SYT1: variants seen among roughly 807,000 people sequenced by gnomAD.
SYT1 encodes the protein synaptotagmin-1.
Under a neutral mutation model 44.8 loss-of-function variants are expected in SYT1, and 8 were observed. The ratio of observed to expected loss-of-function variants is 0.18; its 90% CI spans 0.10 to 0.32. SYT1 has a LOEUF of 0.32. Ranked by LOEUF, SYT1 falls within the 10% of genes least tolerant of loss-of-function variation. The pLI, the probability that SYT1 is intolerant of heterozygous loss-of-function variation, is 1.00. For synonymous variants in SYT1, 154 were observed against 188.8 expected (o/e 0.82, Z 1.51); for missense variants, 286 against 509.3 (o/e 0.56, Z 4.22).
chr12:79,204,683 T>G (rs892302539), intron 3 of SYT1, among the ~76,000 whole-genome samples: 1 of 152,012 alleles, frequency 6.6e-6, no homozygotes, highest in African/African-American at 2.4e-5. Context: ...AATTGATCCA[T>G]GGAAGATTTC....
chr12:78,995,594 C>T (rs1870323227), intron 2 of SYT1, among the ~76,000 whole-genome samples: 1 of 152,188 alleles, frequency 6.6e-6, no homozygotes, highest in Non-Finnish European at 1.5e-5. Flanking sequence ...ATTACAGTAG[C>T]ATTTCGCCAG....
At chr12:79,031,482 C>A (rs1463243026) in intron 2 of SYT1, among the ~76,000 whole-genome samples, 1 of 151,078 alleles carries the variant, frequency 6.6e-6, no homozygotes, top group Non-Finnish European at 1.5e-5. Flanking sequence ...TGTGGATAAT[C>A]TGTTATAGCT....
rs573369939 is a variant in SYT1, at chr12:79,125,619, AAAAAAAAAAGAAAAAAAG to A, written c.-18+78272_-18+78289del. ...TGGGCAACAGAACAAGCCCCTGTCA[AAAAAAAAAAGAAAAAAAG>A]AAAAAAAAAGAAAAGAGCTCAGAGT... On this transcript the variant is annotated intron_variant, in intron 3 of 10. Transcript: ENST00000261205. Among the ~76,000 whole-genome samples, 30 of 135,602 alleles carry A rather than the reference AAAAAAAAAAGAAAAAAAG, an allele frequency of 2.2e-4. No individual in the cohort carries two copies. The South Asian group carries it at 7.1e-3, about 32-fold the overall frequency. 89.0% of individuals were successfully genotyped at this position (135,602 alleles called of 152,430 possible).
chr12:79,245,236 C>T (rs967128646), intron 4 of SYT1, among the ~76,000 whole-genome samples: 4 of 148,142 alleles, frequency 2.7e-5, no homozygotes, highest in Admixed American at 6.9e-5. Context: ...AAGGCCGAGG[C>T]GGGCGGATCA....
At chr12:79,057,493 A>AT (rs1456176049) in intron 3 of SYT1, among the ~76,000 whole-genome samples, 1 of 151,928 alleles carries the variant, frequency 6.6e-6, no homozygotes, top group African/African-American at 2.4e-5. Flanking sequence ...GTTGCTCAGG[A>AT]TTTTTGCTTA....
chr12:78,879,343 C>A (rs866356099), intron 1 of SYT1, among the ~76,000 whole-genome samples: 5 of 151,780 alleles, frequency 3.3e-5, no homozygotes, highest in Non-Finnish European at 5.9e-5. Context: ...GTTCAGAAGG[C>A]CAGCACTCCT....
chr12:79,327,770 T>C (rs558486660), intron 8 of SYT1, among the ~76,000 whole-genome samples: 1 of 152,204 alleles, frequency 6.6e-6, no homozygotes, highest in East Asian at 1.9e-4. Context: ...GAAGAGATGG[T>C]CAGAATGTAA....
At chr12:79,409,412 G>C (rs2136130354) in intron 9 of SYT1, among the ~76,000 whole-genome samples, 1 of 152,148 alleles carries the variant, frequency 6.6e-6, no homozygotes, top group East Asian at 1.9e-4. Context: ...TTGGTATTAT[G>C]GTAGAGGATT....
chr12:79,242,141 T>A (rs1876552354), intron 4 of SYT1, among the ~76,000 whole-genome samples: 1 of 152,174 alleles, frequency 6.6e-6, no homozygotes, highest in Non-Finnish European at 1.5e-5. Context: ...TCACCCAGTT[T>A]GTGGTCATTT....
At chr12:78,988,875 G>A (rs964490981) in intron 2 of SYT1, among the ~76,000 whole-genome samples, 2 of 152,094 alleles carry the variant, frequency 1.3e-5, no homozygotes, top group African/African-American at 4.8e-5. Flanking sequence ...CAAGAGTGCA[G>A]GCAGATAGAA....
At chr12:79,132,594 T>C (rs1453864035) in intron 3 of SYT1, among the ~76,000 whole-genome samples, 1 of 145,494 alleles carries the variant, frequency 6.9e-6, no homozygotes. Context: ...CAAGGGCTGG[T>C]GAGGATGTGG....
At chr12:79,328,935 A>G (rs1881732391) in intron 8 of SYT1, among the ~76,000 whole-genome samples, 1 of 152,144 alleles carries the variant, frequency 6.6e-6, no homozygotes, top group Non-Finnish European at 1.5e-5. Context: ...AATGCCCTGA[A>G]GAATAGCAAG....
At chr12:79,042,421 T>C (rs1305564196) in intron 2 of SYT1, among the ~76,000 whole-genome samples, 1 of 148,450 alleles carries the variant, frequency 6.7e-6, no homozygotes, top group East Asian at 2.0e-4. Flanking sequence ...GTAGAGGTGT[T>C]TGTAGTATTC....
At chr12:79,017,571 AG>A (rs1871887385) in intron 2 of SYT1, among the ~76,000 whole-genome samples, 1 of 152,148 alleles carries the variant, frequency 6.6e-6, no homozygotes, top group African/African-American at 2.4e-5. Flanking sequence ...ATACAAAATT[AG>A]GAAATCTAAA....
intron 9 of SYT1, among the ~76,000 whole-genome samples, chr12:79,421,810 C>A (rs1471178881): frequency 2.6e-5 from 4 of 151,298 alleles, no homozygotes; most frequent in African/African-American, 9.7e-5. Context: ...TGTAAGTATT[C>A]AATCAGGGCT....
intron 2 of SYT1, among the ~76,000 whole-genome samples, chr12:78,978,464 C>T (rs1313616286): frequency 6.6e-6 from 1 of 152,132 alleles, no homozygotes; most frequent in Non-Finnish European, 1.5e-5. Flanking sequence ...CAGTGAAGTA[C>T]ATATATCACA....
intron 1 of SYT1, chr12:78,976,486 A>G (rs1414081989): frequency 2.0e-5 from 3 of 152,222 alleles, no homozygotes; most frequent in African/African-American, 7.2e-5. Context: ...TGCCAGAATC[A>G]TTCCAATCCA....
At chr12:79,269,345 G>T (rs934200350) in intron 4 of SYT1, among the ~76,000 whole-genome samples, 1 of 151,902 alleles carries the variant, frequency 6.6e-6, no homozygotes, top group African/African-American at 2.4e-5. Flanking sequence ...ACTGAATTTT[G>T]TGCTTAACTG....
chr12:78,878,458 T>C (rs576029657), intron 1 of SYT1, among the ~76,000 whole-genome samples: 4 of 151,800 alleles, frequency 2.6e-5, no homozygotes, highest in African/African-American at 9.7e-5. Context: ...ATTAGACATA[T>C]GAGTAACGCA....
Sources: gnomAD v4.1 joint callset for allele counts (sites outside exome capture counted in the v4.1 genomes callset) on GRCh38, gnomAD v4.1.1 for gene constraint, MANE v1.5 for transcripts, NCBI Gene and HGNC (gene_info 2026-07-23, HGNC 2026-07-21) for gene names.